Variants in BLTP1 observed in about 807,000 individuals in gnomAD.
BLTP1 encodes fragile site-associated protein.
chr4:122,328,264 A>G, the BLTP1 span: 7 of 1,611,138 alleles, frequency 4.3e-6, 1 homozygote, highest in East Asian at 4.5e-5. Flanking sequence ...GGCCGACGGG[A>G]TGACAGTTTG....
the BLTP1 span, among the ~76,000 whole-genome samples, chr4:122,317,791 A>C: frequency 3.3e-5 from 5 of 152,136 alleles, no homozygotes; most frequent in Non-Finnish European, 5.9e-5. Flanking sequence ...TCAGGGGAAA[A>C]AATGACTTGA....
chr4:122,277,989 T>G, the BLTP1 span, among the ~76,000 whole-genome samples: 1 of 152,136 alleles, frequency 6.6e-6, no homozygotes, highest in Non-Finnish European at 1.5e-5. Context: ...ACTTATTTTC[T>G]TCTATAGATT....
the BLTP1 span, among the ~76,000 whole-genome samples, chr4:122,175,566 A>C: frequency 6.6e-6 from 1 of 152,196 alleles, no homozygotes; most frequent in Admixed American, 6.5e-5. Context: ...TAATTAGAAG[A>C]ATATGATATT....
At chr4:122,235,488 A>G in the BLTP1 span, 1 of 981,268 alleles carries the variant, frequency 1.0e-6, no homozygotes, top group African/African-American at 1.7e-5. Flanking sequence ...CATGTCAAGA[A>G]AAGAACTCCA....
At chr4:122,325,570 A>G in the BLTP1 span, 3 of 1,172,904 alleles carry the variant, frequency 2.6e-6, no homozygotes, top group Non-Finnish European at 3.2e-6. Flanking sequence ...CTTTCTCTTA[A>G]GTAGAAAGGT....
At chr4:122,357,138 GATAA>G in the BLTP1 span, 2 of 654,960 alleles carry the variant, frequency 3.1e-6, no homozygotes, top group East Asian at 1.4e-4. Flanking sequence ...TGAGAAAGCT[GATAA>G]ATGTTTGGAA....
chr4:122,251,100 A>G, the BLTP1 span: 28 of 985,192 alleles, frequency 2.8e-5, no homozygotes, highest in African/African-American at 4.5e-4. Context: ...GGTTGAAGAA[A>G]TGTCGTGCCA....
the BLTP1 span, chr4:122,200,153 G>A: frequency 1.7e-5 from 15 of 905,786 alleles, no homozygotes; most frequent in East Asian, 5.9e-4. Context: ...CAATTAACAG[G>A]AATATATAAA....
At chr4:122,347,855 C>A in the BLTP1 span, 3 of 1,042,234 alleles carry the variant, frequency 2.9e-6, no homozygotes, top group Non-Finnish European at 4.1e-6. Flanking sequence ...CAGATTTCAG[C>A]CCTAACTATA....
chr4:122,235,571 C>T, the BLTP1 span: 7 of 555,634 alleles, frequency 1.3e-5, no homozygotes, highest in East Asian at 1.5e-4. Flanking sequence ...TTTGGGAGGC[C>T]AAGGTGGGCG....
chr4:122,258,895 T>A, the BLTP1 span: 1 of 1,128,298 alleles, frequency 8.9e-7, no homozygotes, highest in Non-Finnish European at 1.2e-6. Flanking sequence ...AGAGAAAACC[T>A]AAAATTTTAT....
chr4:122,322,071 G>GACA, the BLTP1 span, among the ~76,000 whole-genome samples: 1 of 122,940 alleles, frequency 8.1e-6, no homozygotes. Flanking sequence ...TTTGGCATCT[G>GACA]ACAACAATTT....
the BLTP1 span, among the ~76,000 whole-genome samples, chr4:122,350,631 G>A: frequency 6.6e-6 from 1 of 152,084 alleles, no homozygotes; most frequent in Non-Finnish European, 1.5e-5. Context: ...AGAACAAAAC[G>A]GGAAGAATAT....
the BLTP1 span, chr4:122,269,172 A>C: frequency 1.9e-6 from 1 of 540,378 alleles, no homozygotes; most frequent in South Asian, 8.1e-5. Context: ...TTATATATAA[A>C]TATGTTTATA....
At chr4:122,175,971 G>T in the BLTP1 span, 1 of 892,662 alleles carries the variant, frequency 1.1e-6, no homozygotes, top group Non-Finnish European at 1.8e-6. Flanking sequence ...AGGATTTTAT[G>T]AAAACTAATT....
the BLTP1 span, among the ~76,000 whole-genome samples, chr4:122,282,364 G>A: frequency 1.3e-4 from 20 of 152,218 alleles, no homozygotes; most frequent in Admixed American, 9.8e-4. Flanking sequence ...TTCTTTGGCC[G>A]GGCGCAGTGG....
At chr4:122,231,533 T>G in the BLTP1 span, 1 of 502,482 alleles carries the variant, frequency 2.0e-6, no homozygotes, top group Non-Finnish European at 2.6e-6. Context: ...TTGCTAGTAT[T>G]TTACAGTTTG....
At chr4:122,183,481 T>C in the BLTP1 span, 1 of 985,210 alleles carries the variant, frequency 1.0e-6, no homozygotes, top group Non-Finnish European at 1.2e-6. Flanking sequence ...TGCCTCTGGA[T>C]ACTGCAGATG....
chr4:122,198,240 T>C, the BLTP1 span: 1 of 982,070 alleles, frequency 1.0e-6, no homozygotes, highest in Non-Finnish European at 1.2e-6. Context: ...TTTTAGTGAA[T>C]AACTAACCCT....
Sources: allele counts gnomAD v4.1 joint callset (sites outside exome capture counted in the v4.1 genomes callset), GRCh38; gene constraint gnomAD v4.1.1; transcripts MANE v1.5; gene names NCBI Gene and HGNC (gene_info 2026-07-23, HGNC 2026-07-21).